The following ARHGEF33 variants were observed in gnomAD, a reference collection of about 807,000 sequenced individuals.
The protein encoded by ARHGEF33 is Rho guanine nucleotide exchange factor 33, also known as DH and coiled-coil domain-containing protein ENSP00000381780.
Under a neutral mutation model 101.9 loss-of-function variants are expected in ARHGEF33, and 72 were observed. The ratio of observed to expected loss-of-function variants is 0.71; its 90% CI spans 0.58 to 0.86. ARHGEF33 has a LOEUF of 0.86. Ranked by LOEUF, ARHGEF33 falls within the 40% of genes least tolerant of loss-of-function variation. The pLI is 0.00. For synonymous variants in ARHGEF33, 499 were observed against 442.5 expected (o/e 1.13, Z -1.60); for missense variants, 1,169 against 1,111.3 (o/e 1.05, Z -0.74).
Position 38,934,121 on chromosome 2 carries a change from T to C in ARHGEF33, c.506-1654T>C, listed in dbSNP as rs145586662. The stretch of plus-strand genomic sequence containing the variant: ...TCTCTTCTTTCTTACTTTGTATTTA[T>C]TCTACCCACTCAATATTGGCTTTCA... On this transcript the variant is annotated intron_variant, in intron 7 of 17. Transcript: ENST00000409978. Among the ~76,000 whole-genome samples, 37 of 152,360 alleles carry C rather than the reference T, an allele frequency of 2.4e-4. 1 individual carries two copies. Among genetic ancestry groups the C allele is most frequent in the Admixed American group, 7.2e-4 (11 of 15,302 alleles).
chr2:38,961,551 C>T lies in ARHGEF33; in HGVS notation c.2343+903C>T, dbSNP rs76070617. Among the ~76,000 whole-genome samples, 705 of 152,298 alleles carry T rather than the reference C, an allele frequency of 4.6e-3. 38 individuals carry two copies. The East Asian group carries it at 0.12, about 25-fold the overall frequency. On this transcript the variant is annotated intron_variant, in intron 16 of 17. Transcript: ENST00000409978. ...GTTCTGACCTGTGCGACCACCCTTC[C>T]GTTCCAACTATTCTCATTTTCGAAT...
At position 38,953,211 on chromosome 2, in the gene ARHGEF33, GCATCT is replaced by G. The variant is rs1558441044; in HGVS notation, c.1107_1111del (p.Ser370GlyfsTer10). The G allele has an allele frequency of 1.3e-6, 2 of 1,544,664 alleles. No homozygotes were observed. The highest frequency in any genetic ancestry group is 2.4e-5 in the South Asian group (2 of 83,922). On this transcript the variant is annotated frameshift_variant, in exon 12 of 18. Coordinates refer to ENST00000409978, the MANE Select transcript of ARHGEF33 (RefSeq NM_001145451.5). LOFTEE classifies it high-confidence loss of function. ...GCCTACCTAAGGGACCTGCCTGAGT[GCATCT>G]CATTGGTTCATGTTGTAGTCCTGAA... is the stretch of plus-strand genomic sequence containing the variant.
At chr2:38,927,955 A>T (rs891415220) in intron 4 of ARHGEF33, among the ~76,000 whole-genome samples, 4 of 152,174 alleles carry the variant, frequency 2.6e-5, no homozygotes, top group African/African-American at 9.7e-5. Flanking sequence ...TTTGTGCTTA[A>T]CTTTTTGATT....
At chr2:38,954,231 T>C (rs1056440445) in intron 12 of ARHGEF33, 142 bp from the exon 13 acceptor site, 3 of 623,666 alleles carry the variant, frequency 4.8e-6, no homozygotes, top group South Asian at 1.9e-5. Context: ...GCCTCTCCTA[T>C]GAGACAGCAA....
intron 6 of ARHGEF33, among the ~76,000 whole-genome samples, chr2:38,930,234 A>G (rs180880305): frequency 8.9e-4 from 135 of 152,350 alleles, no homozygotes; most frequent in African/African-American, 2.9e-3. Flanking sequence ...TCTAGGGTTG[A>G]AAATAAATTT....
At chr2:38,954,274 C>A in intron 12 of ARHGEF33, 99 bp from the exon 13 acceptor site, 4 of 702,434 alleles carry the variant, frequency 5.7e-6, no homozygotes, top group Non-Finnish European at 7.5e-6. Flanking sequence ...AGAAAATGCT[C>A]TGGGAGGAAA....
intron 4 of ARHGEF33, 170 bp from the exon 5 acceptor site, chr2:38,928,737 A>G (rs763574486): frequency 4.3e-5 from 22 of 506,920 alleles, no homozygotes; most frequent in African/African-American, 5.9e-5. Flanking sequence ...TTTTTCTTAG[A>G]TAAATGGGGC....
chr2:38,954,633 CTTTT>C (rs10706405), intron 13 of ARHGEF33, among the ~76,000 whole-genome samples, 177 bp downstream of exon 13: 7 of 101,130 alleles, frequency 6.9e-5, no homozygotes, highest in Admixed American at 3.1e-4. Context: ...GAGCTAAAAC[CTTTT>C]TTTTTTTTTT....
intron 2 of ARHGEF33, among the ~76,000 whole-genome samples, chr2:38,900,529 A>T (rs1447931524): frequency 6.6e-6 from 1 of 152,180 alleles, no homozygotes; most frequent in African/African-American, 2.4e-5. Flanking sequence ...ATTACTCTGA[A>T]ATAGAGGAAC....
In ARHGEF33 at chr2:38,974,426, C is replaced by T. The variant is rs1426120558; in HGVS notation, c.*583C>T. ...AGTTATGGAGAATTTGTGCTTAAAC[C>T]ATGATTCAGAAGGTTCAAAGCTTAA... On this transcript the variant is annotated 3_prime_UTR_variant, in exon 18 of 18. Transcript: ENST00000409978. 3.3e-5 allele frequency: 5 copies of T among 152,158 alleles called. No homozygotes were observed. The highest frequency in any genetic ancestry group is 7.3e-5 in the Non-Finnish European group (5 of 68,030). The allele number at this position is 152,158 out of a possible 1,614,324, so 9.4% of individuals were successfully genotyped here.
chr2:38,953,164 T>A lies in ARHGEF33; in HGVS notation c.1056T>A (p.Asn352Lys). Residue 352 changes from asparagine (N) to lysine (K), a missense_variant and splice_region_variant, in exon 12 of 18, where the codon AAT becomes AAA. Asn to Lys is a moderately conservative substitution (Grantham distance 94). Transcript: ENST00000409978. The part of the protein sequence containing the change: ...DLFLKLTNDE[N>K]NFLDYYVAYL... ...GCATTTTTGTGTTTGTTTTAAAGAA[T>A]AATTTCTTGGATTATTATGTTGCCT... The A allele has an allele frequency of 6.8e-7, 1 of 1,475,388 alleles. No individual in the cohort carries two copies. The highest frequency in any genetic ancestry group is 9.3e-7 in the Non-Finnish European group (1 of 1,077,034). 91.4% of individuals were successfully genotyped at this position (1,475,388 alleles called of 1,614,324 possible).
chr2:38,896,836 C>A (rs1300635483), intron 2 of ARHGEF33, among the ~76,000 whole-genome samples: 1 of 152,146 alleles, frequency 6.6e-6, no homozygotes, highest in Non-Finnish European at 1.5e-5. Context: ...ACCCCTAACC[C>A]CATTCCTCTT....
intron 16 of ARHGEF33, among the ~76,000 whole-genome samples, chr2:38,962,965 A>G (rs1338371077): frequency 1.4e-5 from 2 of 147,642 alleles, no homozygotes; most frequent in Non-Finnish European, 3.0e-5. Context: ...TGGAGCTTGC[A>G]GGGAGCCGAG....
At chr2:38,913,984 A>G (rs185486076) in intron 2 of ARHGEF33, among the ~76,000 whole-genome samples, 44 of 152,304 alleles carry the variant, frequency 2.9e-4, no homozygotes, top group Admixed American at 7.8e-4. Flanking sequence ...GAGCAAATCT[A>G]AACTTATAGT....
chr2:38,908,716 G>A (rs888750078), intron 2 of ARHGEF33, among the ~76,000 whole-genome samples: 4 of 152,192 alleles, frequency 2.6e-5, no homozygotes, highest in African/African-American at 9.7e-5. Context: ...GCACTTTGGT[G>A]TTGCTGGCCG....
chr2:38,916,141 C>T (rs552790707), intron 2 of ARHGEF33, among the ~76,000 whole-genome samples: 3 of 152,240 alleles, frequency 2.0e-5, no homozygotes, highest in Non-Finnish European at 2.9e-5. Flanking sequence ...TTCATTTTAC[C>T]TATGATATAT....
chr2:38,941,439 C>G (rs945681582), intron 9 of ARHGEF33, among the ~76,000 whole-genome samples: 1 of 152,116 alleles, frequency 6.6e-6, no homozygotes, highest in Non-Finnish European at 1.5e-5. Flanking sequence ...ATCTTTTTTC[C>G]TCATGATTTT....
chr2:38,960,194 A>C lies in ARHGEF33; in HGVS notation c.1889A>C (p.Asp630Ala), dbSNP rs1195653087. The C allele has an allele frequency of 6.5e-7, 1 of 1,544,602 alleles. No individual in the cohort carries two copies. The highest frequency in any genetic ancestry group is 8.7e-7 in the Non-Finnish European group (1 of 1,144,430). The change falls in exon 16 of 18, where the codon GAC becomes GCC. Residue 630 changes from aspartate to alanine, a missense_variant. Physicochemically the swap from Asp to Ala is moderately radical, Grantham distance 126. Transcript: ENST00000409978. ...GEIFALPAPY[D>A]EEPFQAPALF... ...ATCTTCGCGCTGCCCGCGCCCTACG[A>C]CGAGGAGCCGTTCCAGGCTCCGGCC...
At position 38,891,164 on chromosome 2, in the gene ARHGEF33, T is replaced by C. The variant is rs569407218; in HGVS notation, c.-159+1178T>C. Reference sequence around the variant, plus strand: ...GCTCAGGTTGGTCTTGAACTCCTGATCTCAAGCAGTCCTCCCACTTCAGCC... The same window carrying C: ...GCTCAGGTTGGTCTTGAACTCCTGACCTCAAGCAGTCCTCCCACTTCAGCC... On this transcript the variant is annotated intron_variant, in intron 1 of 17. Coordinates refer to ENST00000409978, the MANE Select transcript of ARHGEF33 (RefSeq NM_001145451.5). 2.6e-5 allele frequency among the ~76,000 whole-genome samples: 4 copies of C among 151,912 alleles called. No individual in the cohort carries two copies. In the East Asian group the frequency reaches 7.7e-4, roughly 29 times the overall value.
Sources: allele counts gnomAD v4.1 joint callset (sites outside exome capture counted in the v4.1 genomes callset), GRCh38; gene constraint gnomAD v4.1.1; transcripts MANE v1.5; gene names NCBI Gene and HGNC (gene_info 2026-07-23, HGNC 2026-07-21).